The following AFF3 variants were observed in gnomAD, a reference collection of about 807,000 sequenced individuals.
AFF3 encodes the protein AF4/FMR2 family member 3.
AFF3 carries 32 observed loss-of-function variants against 129.7 expected under a neutral mutation model. The ratio of observed to expected loss-of-function variants is 0.25; its 90% CI spans 0.19 to 0.33. The LOEUF (loss-of-function observed/expected upper bound fraction) is 0.33. AFF3 is among the 10% of genes least tolerant of loss of function. AFF3 has a pLI of 1.00. For synonymous variants in AFF3, 644 were observed against 635.4 expected (o/e 1.01, Z -0.20); for missense variants, 1,373 against 1,592.0 (o/e 0.86, Z 2.34).
intron 7 of AFF3, among the ~76,000 whole-genome samples, chr2:99,886,584 T>C (rs1693129217): frequency 6.6e-6 from 1 of 152,174 alleles, no homozygotes; most frequent in Non-Finnish European, 1.5e-5. Flanking sequence ...AAGATGCACA[T>C]TTGCCATTAG....
rs189379737 is a variant in AFF3 at position 99,762,293 on chromosome 2, T to G, written c.922-9992A>C. 5.9e-5 allele frequency among the ~76,000 whole-genome samples: 9 copies of G among 152,104 alleles called. No individual in the cohort carries two copies. In the East Asian group the frequency reaches 1.7e-3, roughly 30 times the overall value. On this transcript the variant is annotated intron_variant, in intron 8 of 24. Transcript: ENST00000672756. ...CACATGCTACCATGCCCAGCTAATTTTTGTATTTTTTAGTAGAGACGGGGT... is the reference window on the plus strand; with the variant it reads ...CACATGCTACCATGCCCAGCTAATTGTTGTATTTTTTAGTAGAGACGGGGT...
intron 24 of AFF3, among the ~76,000 whole-genome samples, chr2:99,553,918 C>CAA (rs61326965): frequency 0.012 from 701 of 56,916 alleles, 5 homozygotes; most frequent in African/African-American, 0.042. Flanking sequence ...TGTCTCAAAC[C>CAA]AAAAAAAAAA....
intron 13 of AFF3, among the ~76,000 whole-genome samples, chr2:99,618,819 G>C (rs1191426591): frequency 6.6e-6 from 1 of 152,178 alleles, no homozygotes; most frequent in East Asian, 1.9e-4. Context: ...TTTCTAACAC[G>C]ACCTCTCAGA....
chr2:99,664,067 G>T (rs1417764929), intron 12 of AFF3, among the ~76,000 whole-genome samples: 1 of 152,094 alleles, frequency 6.6e-6, no homozygotes, highest in Non-Finnish European at 1.5e-5. Flanking sequence ...AATACTTACT[G>T]TCTTAAGTCT....
At chr2:99,651,890 G>A (rs550702269) in intron 12 of AFF3, among the ~76,000 whole-genome samples, 2 of 152,120 alleles carry the variant, frequency 1.3e-5, no homozygotes, top group Non-Finnish European at 2.9e-5. Flanking sequence ...TACACCCTTG[G>A]TGACAGTTCC....
intron 7 of AFF3, among the ~76,000 whole-genome samples, chr2:99,863,176 C>T (rs1350813330): frequency 6.6e-6 from 1 of 152,162 alleles, no homozygotes; most frequent in Admixed American, 6.5e-5. Flanking sequence ...AAAGCGTAAG[C>T]TTTTTTACAG....
chr2:99,962,566 G>T (rs13410695), intron 7 of AFF3, among the ~76,000 whole-genome samples: 28,549 of 151,890 alleles, frequency 0.19, 3,489 homozygotes, highest in African/African-American at 0.34. Flanking sequence ...AGAGAAGTTA[G>T]AAAAATGAAC....
At chr2:99,728,651 C>T (rs1679557804) in intron 10 of AFF3, among the ~76,000 whole-genome samples, 4 of 152,124 alleles carry the variant, frequency 2.6e-5, no homozygotes, top group African/African-American at 7.2e-5. Flanking sequence ...AGTGCCAGAA[C>T]AGCTATGAGG....
At chr2:100,006,225 T>G (rs1464990206) in intron 7 of AFF3, 1 of 155,346 alleles carries the variant, frequency 6.4e-6, no homozygotes, top group Non-Finnish European at 1.4e-5. Context: ...TACATAAAAA[T>G]TTACCTTAAA....
intron 7 of AFF3, among the ~76,000 whole-genome samples, chr2:99,984,853 A>G (rs1320344322): frequency 6.6e-6 from 1 of 152,204 alleles, no homozygotes; most frequent in Non-Finnish European, 1.5e-5. Flanking sequence ...AGGAGGACAG[A>G]TAAAACCACC....
At chr2:99,704,541 G>C (rs971204205) in intron 11 of AFF3, among the ~76,000 whole-genome samples, 1 of 152,202 alleles carries the variant, frequency 6.6e-6, no homozygotes, top group African/African-American at 2.4e-5. Flanking sequence ...GGAAATTAGA[G>C]TTGAGGCCTA....
At chr2:100,056,457 C>T (rs1281610219) in intron 4 of AFF3, among the ~76,000 whole-genome samples, 1 of 152,164 alleles carries the variant, frequency 6.6e-6, no homozygotes, top group East Asian at 1.9e-4. Context: ...TTGTCAAAAT[C>T]ATTTACAATC....
chr2:99,908,424 C>CT (rs1406348253), intron 7 of AFF3, among the ~76,000 whole-genome samples: 1 of 152,058 alleles, frequency 6.6e-6, no homozygotes, highest in African/African-American at 2.4e-5. Context: ...TGGGCAAGGA[C>CT]TCATGTCTAA....
At chr2:100,005,501 G>C (rs537977772) in intron 7 of AFF3, among the ~76,000 whole-genome samples, 2 of 152,260 alleles carry the variant, frequency 1.3e-5, no homozygotes, top group Admixed American at 6.5e-5. Context: ...ATTCAGTTTT[G>C]TAAGATGGTA....
chr2:99,641,564 G>A (rs1195242425), intron 13 of AFF3, among the ~76,000 whole-genome samples: 1 of 152,116 alleles, frequency 6.6e-6, no homozygotes, highest in African/African-American at 2.4e-5. Context: ...TATAATTCCA[G>A]ATACTTGGGA....
At chr2:99,560,270 A>C (rs1012970970) in intron 21 of AFF3, 95 bp downstream of exon 21, 6 of 1,341,186 alleles carry the variant, frequency 4.5e-6, no homozygotes, top group Non-Finnish European at 6.4e-6. Flanking sequence ...GTATGTTAGA[A>C]GACATTGGGC....
At chr2:100,140,171 G>T (rs911283963) in intron 1 of AFF3, among the ~76,000 whole-genome samples, 5 of 152,154 alleles carry the variant, frequency 3.3e-5, no homozygotes, top group Admixed American at 3.3e-4. Flanking sequence ...TGTGAACTCT[G>T]TAGGACAGGA....
chr2:99,724,850 G>A (rs1679227100), intron 11 of AFF3, among the ~76,000 whole-genome samples: 2 of 152,162 alleles, frequency 1.3e-5, no homozygotes, highest in East Asian at 3.8e-4. Context: ...AGTTTAAGAG[G>A]CAGGTGCCTA....
chr2:100,059,995 G>T (rs1687126019), intron 4 of AFF3, among the ~76,000 whole-genome samples: 1 of 152,108 alleles, frequency 6.6e-6, no homozygotes, highest in East Asian at 1.9e-4. Flanking sequence ...CTATGACTAA[G>T]TGTATCCTTC....
Sources: gnomAD v4.1 joint callset for allele counts (sites outside exome capture counted in the v4.1 genomes callset) on GRCh38, gnomAD v4.1.1 for gene constraint, MANE v1.5 for transcripts, NCBI Gene and HGNC (gene_info 2026-07-23, HGNC 2026-07-21) for gene names.